The following PLD1 variants were observed in gnomAD, a reference collection of about 807,000 sequenced individuals.
PLD1 encodes the protein phospholipase D1.
In PLD1, 112 loss-of-function variants were observed where a neutral mutation model predicts 137.1. That is an observed-to-expected ratio of 0.82 (90% CI 0.70 to 0.96). The LOEUF (loss-of-function observed/expected upper bound fraction) is 0.96, where lower values mean the gene tolerates loss of function less well. Ranked by LOEUF, PLD1 falls within the 40% of genes least tolerant of loss-of-function variation. PLD1 has a pLI of 0.00. For missense variants in PLD1, 1,321 were observed against 1,342.0 expected, an observed-to-expected ratio of 0.98 and a Z score of 0.24; for synonymous variants, 431 against 454.7, an observed-to-expected ratio of 0.95 and a Z score of 0.66.
At chr3:171,676,431 G>C (rs1198673916) in intron 18 of PLD1, among the ~76,000 whole-genome samples, 1 of 152,126 alleles carries the variant, frequency 6.6e-6, no homozygotes, top group Non-Finnish European at 1.5e-5. Flanking sequence ...TAAATGCTTA[G>C]TCAACACTGT....
intron 1 of PLD1, among the ~76,000 whole-genome samples, chr3:171,754,697 GAAC>G (rs1294574632): frequency 6.6e-6 from 1 of 152,126 alleles, no homozygotes; most frequent in African/African-American, 2.4e-5. Flanking sequence ...AATACAACCA[GAAC>G]AATAGAGATA....
At position 171,649,604 on chromosome 3, in the gene PLD1, T is replaced by C. The variant is rs1331615280; in HGVS notation, c.2430-4581A>G. Among the ~76,000 whole-genome samples the C allele has an allele frequency of 5.9e-5, 9 of 152,308 alleles. No individual in the cohort carries two copies. In the South Asian group the frequency reaches 1.9e-3, roughly 32 times the overall value. On this transcript the variant is annotated intron_variant, in intron 21 of 26. Coordinates refer to ENST00000351298, the MANE Select transcript of PLD1 (RefSeq NM_002662.5). ...AGCTTAGGGTAAGAATCTGAGCCCC[T>C]AGTGTATAAAATATTTATGATCTTA...
chr3:171,674,990 A>AAG (rs1713199453), intron 18 of PLD1, among the ~76,000 whole-genome samples: 1 of 151,074 alleles, frequency 6.6e-6, no homozygotes, highest in Non-Finnish European at 1.5e-5. Context: ...AAAAAAAAAA[A>AAG]AAAAAAAAAG....
At position 171,644,896 on chromosome 3, in the gene PLD1, T is replaced by G; in HGVS notation, c.2543+14A>C. 1 of 1,510,954 alleles carries G rather than the reference T, an allele frequency of 6.6e-7. No homozygotes were observed. 93.6% of individuals were successfully genotyped at this position (1,510,954 alleles called of 1,614,324 possible). A position where few individuals can be genotyped will look rare whatever the true frequency, so the allele number is the denominator to read the frequency against. On this transcript the variant is annotated intron_variant, in intron 22 of 26. Transcript: ENST00000351298. Reference sequence around the variant, plus strand: ...GACCGAAAGCTCAAAATAGACCATTTAGAGTTTTGGCACCTGTAGTTGAAG... The same window carrying G: ...GACCGAAAGCTCAAAATAGACCATTGAGAGTTTTGGCACCTGTAGTTGAAG...
At chr3:171,657,804 G>T (rs1023062155) in intron 21 of PLD1, among the ~76,000 whole-genome samples, 19 of 151,938 alleles carry the variant, frequency 1.3e-4, no homozygotes, top group Admixed American at 5.2e-4. Flanking sequence ...GAAAAAAATA[G>T]ATAAGTTAGC....
intron 3 of PLD1, among the ~76,000 whole-genome samples, chr3:171,736,009 G>C (rs1251885277): frequency 6.6e-6 from 1 of 152,182 alleles, no homozygotes; most frequent in Non-Finnish European, 1.5e-5. Context: ...TATAAGCCGT[G>C]CACCAGGCAA....
At chr3:171,729,661 T>G (rs1459016861) in intron 6 of PLD1, among the ~76,000 whole-genome samples, 1 of 152,168 alleles carries the variant, frequency 6.6e-6, no homozygotes, top group Non-Finnish European at 1.5e-5. Flanking sequence ...ATCTAATCTA[T>G]GAAGGAAACT....
chr3:171,759,182 A>G (rs1323152580), intron 1 of PLD1, among the ~76,000 whole-genome samples: 2 of 152,026 alleles, frequency 1.3e-5, no homozygotes, highest in Non-Finnish European at 2.9e-5. Context: ...AGTAAGGTTT[A>G]TGGTTTTCTT....
chr3:171,746,897 C>G (rs937938415), intron 1 of PLD1, among the ~76,000 whole-genome samples: 1 of 152,202 alleles, frequency 6.6e-6, no homozygotes, highest in African/African-American at 2.4e-5. Context: ...AAGGTTTGTT[C>G]TTTTGCTCTT....
chr3:171,703,854 T>C (rs530967526), intron 11 of PLD1, among the ~76,000 whole-genome samples: 1 of 152,270 alleles, frequency 6.6e-6, no homozygotes, highest in African/African-American at 2.4e-5. Context: ...TCTCTGGTAG[T>C]GACAGGGTTG....
chr3:171,655,781 T>C (rs1737139497), intron 21 of PLD1, among the ~76,000 whole-genome samples: 1 of 151,892 alleles, frequency 6.6e-6, no homozygotes, highest in African/African-American at 2.4e-5. Context: ...ACGCCAGGGG[T>C]GAGGGGAACA....
chr3:171,707,571 C>T (rs1301563741), intron 11 of PLD1, among the ~76,000 whole-genome samples: 2 of 152,130 alleles, frequency 1.3e-5, no homozygotes, highest in Non-Finnish European at 2.9e-5. Flanking sequence ...GAATTAAGCT[C>T]CTCCACAAGC....
chr3:171,681,672 AATG>A (rs1713985822), intron 16 of PLD1, among the ~76,000 whole-genome samples: 2 of 152,334 alleles, frequency 1.3e-5, no homozygotes, highest in African/African-American at 4.8e-5. Flanking sequence ...TCTGTGGATC[AATG>A]ATGACTCTTG....
intron 12 of PLD1, among the ~76,000 whole-genome samples, chr3:171,697,211 C>T (rs1243428177): frequency 6.7e-6 from 1 of 150,326 alleles, no homozygotes. Context: ...CAGTTTCTTC[C>T]ACTATCAGAG....
At chr3:171,631,416 T>C (rs1464192266) in intron 23 of PLD1, among the ~76,000 whole-genome samples, 1 of 151,756 alleles carries the variant, frequency 6.6e-6, no homozygotes, top group African/African-American at 2.4e-5. Context: ...GGGATTGGAA[T>C]TGGAGATATC....
At chr3:171,809,005 A>G (rs1362143212) in intron 1 of PLD1, among the ~76,000 whole-genome samples, 2 of 151,522 alleles carry the variant, frequency 1.3e-5, no homozygotes, top group Admixed American at 1.3e-4. Context: ...TTGTATTTTT[A>G]GTAGAGGCGG....
At chr3:171,743,462 C>T (rs1364521874) in intron 1 of PLD1, among the ~76,000 whole-genome samples, 6 of 152,182 alleles carry the variant, frequency 3.9e-5, no homozygotes, top group Non-Finnish European at 8.8e-5. Flanking sequence ...AAGGCATTAG[C>T]CAGTCAGACC....
At chr3:171,719,406 T>A (rs1717924338) in intron 8 of PLD1, among the ~76,000 whole-genome samples, 1 of 152,218 alleles carries the variant, frequency 6.6e-6, no homozygotes, top group Non-Finnish European at 1.5e-5. Context: ...TACTACTATC[T>A]GTTCAATGCC....
chr3:171,720,474 C>T (rs900302345), intron 8 of PLD1, among the ~76,000 whole-genome samples: 1 of 151,156 alleles, frequency 6.6e-6, no homozygotes, highest in African/African-American at 2.4e-5. Flanking sequence ...CCCAGCTACT[C>T]GGAGAGCCTG....
Sources: gnomAD v4.1 joint callset for allele counts (sites outside exome capture counted in the v4.1 genomes callset) on GRCh38, gnomAD v4.1.1 for gene constraint, MANE v1.5 for transcripts, NCBI Gene and HGNC (gene_info 2026-07-23, HGNC 2026-07-21) for gene names.